Variants in RNPC3 observed in about 807,000 individuals in gnomAD.
RNPC3 encodes RNA binding region (RNP1, RRM) containing 3.
RNPC3 carries 48 observed loss-of-function variants against 67.5 expected under a neutral mutation model. The observed-to-expected ratio is 0.71, with a 90% confidence interval of 0.56 to 0.90. The LOEUF (loss-of-function observed/expected upper bound fraction) is 0.90, where lower values mean the gene tolerates loss of function less well. Ranked by LOEUF, RNPC3 falls within the 40% of genes least tolerant of loss-of-function variation. The pLI, the probability that RNPC3 is intolerant of heterozygous loss-of-function variation, is 0.00. For synonymous variants in RNPC3, 239 were observed against 210.3 expected (o/e 1.14, Z -1.18); for missense variants, 637 against 626.1 (o/e 1.02, Z -0.19).
intron 7 of RNPC3, among the ~76,000 whole-genome samples, chr1:103,540,704 C>T (rs1651105838): frequency 6.6e-6 from 1 of 152,088 alleles, no homozygotes; most frequent in Non-Finnish European, 1.5e-5. Context: ...CTGGGACTAG[C>T]GGTTTCCAAG....
intron 2 of RNPC3, among the ~76,000 whole-genome samples, chr1:103,531,405 G>C (rs1163454030): frequency 1.3e-5 from 2 of 152,152 alleles, no homozygotes; most frequent in Non-Finnish European, 2.9e-5. Flanking sequence ...TCTACTTTTA[G>C]TTCTTTAAGG....
chr1:103,534,680 A>C, intron 3 of RNPC3, 94 bp from the exon 4 acceptor site: 1 of 634,808 alleles, frequency 1.6e-6, no homozygotes, highest in Non-Finnish European at 2.6e-6. Context: ...AGCTGTTTTT[A>C]TAATGACATG....
chr1:103,539,992 T>C (rs1046470743), intron 7 of RNPC3, among the ~76,000 whole-genome samples: 2 of 152,182 alleles, frequency 1.3e-5, no homozygotes, highest in African/African-American at 4.8e-5. Context: ...TCCCAGTAGC[T>C]GGGACTAAAG....
intron 2 of RNPC3, among the ~76,000 whole-genome samples, chr1:103,531,151 T>C (rs1010422050): frequency 6.6e-6 from 1 of 152,204 alleles, no homozygotes; most frequent in Admixed American, 6.5e-5. Flanking sequence ...CCATTCCATC[T>C]AGGTTGCTGC....
chr1:103,534,802 G>A lies in RNPC3; in HGVS notation c.388G>A (p.Glu130Lys). The A allele has an allele frequency of 1.3e-6, 2 of 1,528,456 alleles. No homozygotes were observed. Among genetic ancestry groups the A allele is most frequent in the Non-Finnish European group, 1.8e-6 (2 of 1,142,424 alleles). 94.7% of individuals were successfully genotyped at this position (1,528,456 alleles called of 1,614,324 possible). A position where few individuals can be genotyped will look rare whatever the true frequency, so the allele number is the denominator to read the frequency against. The change falls in exon 4 of 15, where the codon GAA becomes AAA. Residue 130 changes from glutamate to lysine, a missense_variant. Transcript: ENST00000423855. ...RSDDPVEDDK[E>K]KKELGYLTVE... Reference sequence around the variant, plus strand: ...TGATGACCCTGTCGAAGATGATAAAGAAAAAAAAGAACTTGGTTATTTAAC... The same window carrying A: ...TGATGACCCTGTCGAAGATGATAAAAAAAAAAAAGAACTTGGTTATTTAAC...
intron 14 of RNPC3, 164 bp downstream of exon 14, chr1:103,551,956 A>G: frequency 2.2e-6 from 1 of 457,972 alleles, no homozygotes; most frequent in East Asian, 3.7e-5. Flanking sequence ...CTATAACTAC[A>G]GATTAAAACC....
chr1:103,536,227 T>C, intron 6 of RNPC3, 33 bp downstream of exon 6: 1 of 1,464,174 alleles, frequency 6.8e-7, no homozygotes, highest in Non-Finnish European at 9.3e-7. Context: ...CAAGTCAAAA[T>C]TTCTCTTCCT....
chr1:103,534,815 T>G lies in RNPC3; in HGVS notation c.401T>G (p.Leu134Arg), dbSNP rs1355382559. ...GAAGATGATAAAGAAAAAAAAGAAC[T>G]TGGTTATTTAACAGTAGAAAATGGA... is the stretch of plus-strand genomic sequence containing the variant. The part of the protein sequence containing the change: ...PVEDDKEKKE[L>R]GYLTVENGIA... The change falls in exon 4 of 15, where the codon CTT becomes CGT. Residue 134 changes from leucine (L) to arginine (R), a missense_variant. This residue lies in a region of RNPC3 where 536 missense variants were observed against 500.3 expected (regional missense o/e 1.07). Coordinates refer to ENST00000423855, the MANE Select transcript of RNPC3 (RefSeq NM_017619.4). The G allele has an allele frequency of 6.5e-7, 1 of 1,532,892 alleles. No homozygotes were observed. Among genetic ancestry groups the G allele is most frequent in the South Asian group, 1.2e-5 (1 of 83,530 alleles). The allele number at this position is 1,532,892 out of a possible 1,614,324, so 95.0% of individuals were successfully genotyped here.
intron 7 of RNPC3, among the ~76,000 whole-genome samples, chr1:103,540,788 A>G (rs982785301): frequency 2.0e-5 from 3 of 152,212 alleles, no homozygotes; most frequent in Non-Finnish European, 2.9e-5. Flanking sequence ...TATTCTTAAT[A>G]GAGAAAAGCT....
intron 12 of RNPC3, among the ~76,000 whole-genome samples, chr1:103,550,239 A>G (rs550267592): frequency 1.3e-5 from 2 of 151,984 alleles, no homozygotes; most frequent in South Asian, 2.1e-4. Context: ...AATCCTTTCT[A>G]TTTTTCCATT....
chr1:103,542,588 G>A (rs1651147287), intron 8 of RNPC3, among the ~76,000 whole-genome samples: 1 of 151,888 alleles, frequency 6.6e-6, no homozygotes. Flanking sequence ...AATGTTAGTA[G>A]ATATACCTTA....
At chr1:103,544,084 A>G (rs1651186911) in intron 9 of RNPC3, among the ~76,000 whole-genome samples, 1 of 151,812 alleles carries the variant, frequency 6.6e-6, no homozygotes, top group African/African-American at 2.4e-5. Flanking sequence ...TTAAAAAGTT[A>G]ACACCTCAAA....
intron 5 of RNPC3, among the ~76,000 whole-genome samples, chr1:103,535,820 C>G: frequency 6.6e-6 from 1 of 152,074 alleles, no homozygotes; most frequent in South Asian, 2.1e-4. Flanking sequence ...ATGTATTTCT[C>G]TATTTTATAA....
At chr1:103,526,433 T>G (rs1194063065) in intron 1 of RNPC3, among the ~76,000 whole-genome samples, 171 bp downstream of exon 1, 5 of 152,158 alleles carry the variant, frequency 3.3e-5, no homozygotes, top group African/African-American at 4.8e-5. Flanking sequence ...GAAGTGGAGT[T>G]TTAATCGGCT....
intron 2 of RNPC3, among the ~76,000 whole-genome samples, chr1:103,529,798 G>T (rs1034000928): frequency 1.3e-5 from 2 of 152,192 alleles, no homozygotes; most frequent in African/African-American, 4.8e-5. Flanking sequence ...CTGGTACCCA[G>T]CCACGGCCTG....
chr1:103,539,551 C>G (rs943798901), intron 7 of RNPC3, among the ~76,000 whole-genome samples: 4 of 152,140 alleles, frequency 2.6e-5, no homozygotes, highest in African/African-American at 9.7e-5. Context: ...ATTAGAAATG[C>G]TACAGTAACC....
chr1:103,532,194 AT>A (rs1233937301), intron 2 of RNPC3, among the ~76,000 whole-genome samples: 1 of 152,084 alleles, frequency 6.6e-6, no homozygotes, highest in East Asian at 1.9e-4. Context: ...CTATGTGCCT[AT>A]TTTTATACCA....
Position 103,554,793 on chromosome 1 carries a change from C to A in RNPC3, c.*13-241C>A, listed in dbSNP as rs879041104. 5.9e-5 allele frequency: 9 copies of A among 152,670 alleles called. No homozygotes were observed. In the South Asian group the frequency reaches 1.9e-3, roughly 32 times the overall value. The allele number at this position is 152,670 out of a possible 1,614,324, so 9.5% of individuals were successfully genotyped here. ...AAACAATTGAAAATTCGGTTATTAT[C>A]ACCTTAAAAGTACAAAACCTATAGA... On this transcript the variant is annotated intron_variant, in intron 14 of 14. Transcript: ENST00000423855.
chr1:103,544,901 G>A, intron 9 of RNPC3, 40 bp from the exon 10 acceptor site: 1 of 1,340,080 alleles, frequency 7.5e-7, no homozygotes, highest in South Asian at 1.5e-5. Context: ...ATTTTTAAAG[G>A]AGAGATTCTT....
Sources: gnomAD v4.1 joint callset for allele counts (sites outside exome capture counted in the v4.1 genomes callset) on GRCh38, gnomAD v4.1.1 for gene constraint, gnomAD v4.1.1 regional missense constraint, MANE v1.5 for transcripts, NCBI Gene and HGNC (gene_info 2026-07-23, HGNC 2026-07-21) for gene names.